CD276: variants seen among roughly 807,000 people sequenced by gnomAD.
CD276 encodes CD276 molecule.
In CD276, 34 loss-of-function variants were observed where a neutral mutation model predicts 50.0. The ratio of observed to expected loss-of-function variants is 0.68; its 90% CI spans 0.52 to 0.91. CD276 has a LOEUF of 0.91. Among genes scored for constraint, CD276 ranks in the 40% least tolerant of loss-of-function variants. The probability of loss-of-function intolerance (pLI) is 0.00; values close to 1 mark genes in which losing one functional copy is unlikely to be tolerated. For synonymous variants in CD276, 275 were observed against 313.0 expected (o/e 0.88, Z 1.28); for missense variants, 634 against 717.5 (o/e 0.88, Z 1.33).
chr15:73,707,188 C>A (rs1280514532), intron 6 of CD276, among the ~76,000 whole-genome samples: 1 of 152,260 alleles, frequency 6.6e-6, no homozygotes, highest in East Asian at 1.9e-4. Context: ...GCACCGCGCA[C>A]TGCACTGACA....
chr15:73,692,035 C>T (rs750129812), intron 1 of CD276, among the ~76,000 whole-genome samples: 7 of 152,216 alleles, frequency 4.6e-5, no homozygotes, highest in South Asian at 2.1e-4. Flanking sequence ...AGATTCAATC[C>T]GAGTCCCCAT....
intron 1 of CD276, among the ~76,000 whole-genome samples, chr15:73,685,494 T>TGTGTGTGG (rs1899720529): frequency 7.7e-6 from 1 of 130,382 alleles, no homozygotes; most frequent in African/African-American, 3.0e-5. Flanking sequence ...TGTGTGTGTG[T>TGTGTGTGG]GGCGGGTGGG....
intron 1 of CD276, among the ~76,000 whole-genome samples, chr15:73,691,831 G>A (rs986707566): frequency 1.3e-5 from 2 of 152,232 alleles, no homozygotes; most frequent in African/African-American, 4.8e-5. Context: ...AGGAATTGAA[G>A]TTTAGGCCAT....
rs1206041292 is a variant in CD276 at position 73,699,657 on chromosome 15, C to T, written c.18C>T (p.Gly6=). MLRRR[G]SPGMGVHVGA... ...ACAGGAAGATGCTGCGTCGGCGGGGCAGCCCTGGCATGGGTGTGCATGTGG... is the reference window on the plus strand; with the variant it reads ...ACAGGAAGATGCTGCGTCGGCGGGGTAGCCCTGGCATGGGTGTGCATGTGG... Residue 6 remains glycine (G), a synonymous_variant, in exon 2 of 10, where the codon GGC becomes GGT. Coordinates refer to ENST00000318443, the MANE Select transcript of CD276 (RefSeq NM_001024736.2). 16 of 1,613,478 alleles carry T rather than the reference C, an allele frequency of 9.9e-6. No homozygotes were observed. Among genetic ancestry groups the T allele is most frequent in the Non-Finnish European group, 1.4e-5 (16 of 1,179,728 alleles).
intron 1 of CD276, among the ~76,000 whole-genome samples, chr15:73,697,105 G>C (rs1900207776): frequency 6.6e-6 from 1 of 152,228 alleles, no homozygotes. Flanking sequence ...GCAGCTGCCT[G>C]CTGGATCTTC....
chr15:73,700,240 T>C (rs900429225), intron 2 of CD276, among the ~76,000 whole-genome samples: 1 of 152,216 alleles, frequency 6.6e-6, no homozygotes, highest in African/African-American at 2.4e-5. Context: ...AGAGCGGCTG[T>C]TGCATAGTAG....
chr15:73,707,880 T>C (rs573743675), intron 6 of CD276, among the ~76,000 whole-genome samples: 2 of 152,222 alleles, frequency 1.3e-5, no homozygotes, highest in Non-Finnish European at 2.9e-5. Flanking sequence ...AGCAGAGAAT[T>C]TGGGAAACTG....
In CD276 at chr15:73,687,134, G is replaced by A. The variant is rs1046535828; in HGVS notation, c.-55+2674G>A. Among the ~76,000 whole-genome samples the A allele has an allele frequency of 2.0e-5, 3 of 152,122 alleles. No individual in the cohort carries two copies. Among genetic ancestry groups the A allele is most frequent in the African/African-American group, 4.8e-5 (2 of 41,430 alleles). On this transcript the variant is annotated intron_variant, in intron 1 of 9. Transcript: ENST00000318443. The surrounding 1 kb of genome is among the most constrained non-coding windows in gnomAD (Gnocchi z 4.0). ...GACCCCACACCTGGAAGGGGGCCAC[G>A]TGTACAGTTATGCAACCCTTGCCTG...
intron 2 of CD276, among the ~76,000 whole-genome samples, chr15:73,701,238 C>T (rs1900376867): frequency 6.6e-6 from 1 of 152,032 alleles, no homozygotes; most frequent in South Asian, 2.1e-4. Flanking sequence ...TCTGATCCCT[C>T]TCTTCTTCTC....
chr15:73,703,209 G>C (rs1900488780), intron 4 of CD276, 123 bp downstream of exon 4: 3 of 1,180,464 alleles, frequency 2.5e-6, no homozygotes, highest in East Asian at 5.1e-5. Context: ...CTAATGATAG[G>C]GAGAAAGATA....
chr15:73,697,203 C>T (rs1900210913), intron 1 of CD276, among the ~76,000 whole-genome samples: 1 of 152,148 alleles, frequency 6.6e-6, no homozygotes. Flanking sequence ...GCTGCTGACT[C>T]AGCAGGCAGT....
In CD276 at chr15:73,713,302, C is replaced by T. The variant is rs1351413318; in HGVS notation, c.*346C>T. On this transcript the variant is annotated 3_prime_UTR_variant, in exon 10 of 10. Transcript: ENST00000318443. The stretch of plus-strand genomic sequence containing the variant: ...CCTCTTCTTCCAGTGCTGCGTGGAC[C>T]ATCTGGCTGCCTTTTTTCTCCAAAA... 1 of 324,050 alleles carries T rather than the reference C, an allele frequency of 3.1e-6. No homozygotes were observed. Among genetic ancestry groups the T allele is most frequent in the South Asian group, 4.5e-5 (1 of 22,124 alleles). 20.1% of individuals were successfully genotyped at this position (324,050 alleles called of 1,614,324 possible). A position where few individuals can be genotyped will look rare whatever the true frequency, so the allele number is the denominator to read the frequency against.
intron 1 of CD276, among the ~76,000 whole-genome samples, chr15:73,690,471 G>C (rs1899943731): frequency 1.3e-5 from 2 of 152,176 alleles, no homozygotes; most frequent in Admixed American, 1.3e-4. Flanking sequence ...AAGAAAAAAA[G>C]GTTATTTGGC....
intron 7 of CD276, among the ~76,000 whole-genome samples, chr15:73,709,332 T>C (rs191455461): frequency 3.3e-4 from 50 of 149,908 alleles, no homozygotes; most frequent in Admixed American, 1.1e-3. Context: ...GCTGGGTGGA[T>C]GGTCCTTGAC....
In CD276 at chr15:73,711,143, C is replaced by T. The variant is rs896303917; in HGVS notation, c.1555C>T (p.Pro519Ser). 4 of 1,614,044 alleles carry T rather than the reference C, an allele frequency of 2.5e-6. No homozygotes were observed. The highest frequency in any genetic ancestry group is 3.4e-6 in the Non-Finnish European group (4 of 1,180,022). The stretch of plus-strand genomic sequence containing the variant: ...CCTTCCTTTTTTTACAGCCCTGCAG[C>T]CTCTGAAACACTCTGACAGCAAAGA... Reference protein sequence around the residue: ...EGEGSKTALQPLKHSDSKEDD... With the variant: ...EGEGSKTALQSLKHSDSKEDD... Residue 519 changes from proline (P) to serine (S), a missense_variant, in exon 9 of 10, where the codon CCT (proline) becomes TCT (serine). Physicochemically the swap from Pro to Ser is moderately conservative, Grantham distance 74 (BLOSUM62 -1). Transcript: ENST00000318443.
intron 6 of CD276, among the ~76,000 whole-genome samples, chr15:73,705,064 C>T (rs1475447226): frequency 1.3e-5 from 2 of 152,176 alleles, no homozygotes; most frequent in African/African-American, 2.4e-5. Context: ...GTTCTAGCCT[C>T]GTGGGCACCT....
chr15:73,694,418 C>T (rs372203978), intron 1 of CD276, among the ~76,000 whole-genome samples: 14 of 152,074 alleles, frequency 9.2e-5, no homozygotes, highest in East Asian at 7.7e-4. Context: ...TCATCGGGTA[C>T]GGAGACGGGG....
chr15:73,689,750 ATCT>A (rs1467560409), intron 1 of CD276, among the ~76,000 whole-genome samples: 2 of 152,206 alleles, frequency 1.3e-5, no homozygotes, highest in Non-Finnish European at 2.9e-5. Flanking sequence ...CTCCAAAGTC[ATCT>A]TCTTAAACAC....
At chr15:73,697,498 T>C (rs1369542503) in intron 1 of CD276, 3 of 152,080 alleles carry the variant, frequency 2.0e-5, no homozygotes, top group African/African-American at 7.3e-5. Context: ...TGTAGCAGAA[T>C]TGGACTCTTT....
Sources: gnomAD v4.1 joint callset for allele counts (sites outside exome capture counted in the v4.1 genomes callset) on GRCh38, gnomAD v4.1.1 for gene constraint, Gnocchi (gnomAD v3.1) non-coding constraint, MANE v1.5 for transcripts, NCBI Gene and HGNC (gene_info 2026-07-23, HGNC 2026-07-21) for gene names.